Variants in RASGRP3 observed in about 807,000 individuals in gnomAD.
RASGRP3 encodes the protein ras guanyl-releasing protein 3.
RASGRP3 carries 54 observed loss-of-function variants against 82.7 expected under a neutral mutation model. That is an observed-to-expected ratio of 0.65 (90% confidence interval 0.52 to 0.82). The LOEUF (loss-of-function observed/expected upper bound fraction) is 0.82, where lower values mean the gene tolerates loss of function less well. RASGRP3 is among the 40% of genes least tolerant of loss of function. The pLI is 0.00. For missense variants in RASGRP3, 861 were observed against 828.9 expected (o/e 1.04, Z -0.48); for synonymous variants, 309 against 300.5 (o/e 1.03, Z -0.29).
At chr2:33,506,526 C>G (rs927047143) in intron 1 of RASGRP3, among the ~76,000 whole-genome samples, 1 of 152,208 alleles carries the variant, frequency 6.6e-6, no homozygotes, top group African/African-American at 2.4e-5. Context: ...TTGCGACCAA[C>G]AAATGGTATT....
intron 1 of RASGRP3, among the ~76,000 whole-genome samples, chr2:33,485,933 A>G (rs1668331921): frequency 6.6e-6 from 1 of 152,210 alleles, no homozygotes; most frequent in Admixed American, 6.5e-5. Context: ...TTGGAACACC[A>G]TCTCACATCT....
At chr2:33,510,227 G>C (rs1670802401) in intron 1 of RASGRP3, among the ~76,000 whole-genome samples, 1 of 152,244 alleles carries the variant, frequency 6.6e-6, no homozygotes, top group South Asian at 2.1e-4. Context: ...TCTTGGAATA[G>C]AGACAATGTG....
At chr2:33,523,833 C>CAAA in intron 7 of RASGRP3, 46 bp from the exon 8 acceptor site, 1 of 1,488,828 alleles carries the variant, frequency 6.7e-7, no homozygotes, top group Non-Finnish European at 9.1e-7. Flanking sequence ...TTTGATTTTA[C>CAAA]AAAGGCTCTA....
rs1048669550 is a variant in RASGRP3, at chr2:33,436,587, C to T, written c.-389C>T. 4.6e-5 allele frequency: 7 copies of T among 152,134 alleles called. No homozygotes were observed. The South Asian group carries it at 8.3e-4, about 18-fold the overall frequency. 9.4% of individuals were successfully genotyped at this position (152,134 alleles called of 1,614,324 possible). Reference sequence around the variant, plus strand: ...AGGGATCAACATTATTGCAGTTCTGCAAAGGTAAGTGTCATTTAAAAATCT... The same window carrying T: ...AGGGATCAACATTATTGCAGTTCTGTAAAGGTAAGTGTCATTTAAAAATCT... On this transcript the variant is annotated 5_prime_UTR_variant, in exon 1 of 19. Transcript: ENST00000402538.
At chr2:33,468,879 G>A (rs2150911697) in intron 2 of RASGRP3, among the ~76,000 whole-genome samples, 1 of 152,238 alleles carries the variant, frequency 6.6e-6, no homozygotes, top group South Asian at 2.1e-4. Flanking sequence ...TCTAGAACAG[G>A]AACTGCTGAG....
chr2:33,555,028 A>C (rs1195532258), intron 14 of RASGRP3: 9 of 152,550 alleles, frequency 5.9e-5, no homozygotes, highest in Admixed American at 5.9e-4. Flanking sequence ...TGGAGAATGA[A>C]GACATGAATA....
intron 16 of RASGRP3, 136 bp from the exon 17 acceptor site, chr2:33,558,536 T>G: frequency 9.0e-7 from 1 of 1,116,486 alleles, no homozygotes. Context: ...GTAACTTGCC[T>G]GCGGCTAATT....
intron 13 of RASGRP3, among the ~76,000 whole-genome samples, chr2:33,545,700 A>G (rs1364930421): frequency 6.6e-6 from 1 of 152,246 alleles, no homozygotes; most frequent in East Asian, 1.9e-4. Flanking sequence ...CATGTGGACA[A>G]TAAGCATATG....
At chr2:33,541,895 T>G (rs555658671) in intron 12 of RASGRP3, among the ~76,000 whole-genome samples, 7 of 147,410 alleles carry the variant, frequency 4.7e-5, no homozygotes, top group Non-Finnish European at 1.1e-4. Context: ...TGAAAAATAT[T>G]TTCATCTATT....
chr2:33,467,983 T>C (rs1327223064), intron 2 of RASGRP3, among the ~76,000 whole-genome samples: 1 of 12,372 alleles, frequency 8.1e-5, no homozygotes, highest in Non-Finnish European at 1.6e-4. Context: ...TGAGGCTTTT[T>C]CTTTCTTTCT....
chr2:33,462,498 C>G (rs1417093995), intron 2 of RASGRP3, among the ~76,000 whole-genome samples: 1 of 151,912 alleles, frequency 6.6e-6, no homozygotes, highest in Non-Finnish European at 1.5e-5. Context: ...CTGCCTCAGC[C>G]TCCCAAGTAG....
At chr2:33,493,578 T>G (rs1010761668) in intron 1 of RASGRP3, among the ~76,000 whole-genome samples, 2 of 147,426 alleles carry the variant, frequency 1.4e-5, no homozygotes, top group African/African-American at 5.1e-5. Context: ...ACCAATGGTT[T>G]GTGCCAAGAC....
At chr2:33,438,187 T>A (rs1056585838) in intron 1 of RASGRP3, among the ~76,000 whole-genome samples, 1 of 152,254 alleles carries the variant, frequency 6.6e-6, no homozygotes, top group Non-Finnish European at 1.5e-5. Context: ...ATGAGTTAGA[T>A]GTATTATTTC....
chr2:33,528,058 G>A (rs796371033), intron 10 of RASGRP3, among the ~76,000 whole-genome samples: 6 of 152,194 alleles, frequency 3.9e-5, no homozygotes, highest in African/African-American at 1.2e-4. Flanking sequence ...CCATCCATGT[G>A]GCAAGTTCAA....
chr2:33,489,082 C>T (rs956165938), intron 1 of RASGRP3, among the ~76,000 whole-genome samples: 1 of 152,090 alleles, frequency 6.6e-6, no homozygotes, highest in Non-Finnish European at 1.5e-5. Flanking sequence ...GTAGTCTCTA[C>T]TGGGAGTGGC....
chr2:33,449,082 C>T (rs184509080), intron 2 of RASGRP3, among the ~76,000 whole-genome samples: 1 of 152,160 alleles, frequency 6.6e-6, no homozygotes, highest in African/African-American at 2.4e-5. Context: ...TGATTACTCT[C>T]TGTTTGGGGC....
In RASGRP3 at chr2:33,527,290, G is replaced by A. The variant is rs1672671058; in HGVS notation, c.961G>A (p.Glu321Lys). 6.2e-7 allele frequency: 1 copy of A among 1,610,416 alleles called. No individual in the cohort carries two copies. Among genetic ancestry groups the A allele is most frequent in the Non-Finnish European group, 8.5e-7 (1 of 1,179,614 alleles). ...AVHVIFPDWT[E>K]ENKVNIVKMH... ...CCATGTCATTTTCCCAGACTGGACA[G>A]AGGAGAACAAAGTGAACATTGTGAA... Residue 321 changes from glutamate to lysine, a missense_variant, in exon 10 of 18, where the codon GAG (glutamate) becomes AAG (lysine). Glu to Lys is a moderately conservative substitution (Grantham distance 56). Transcript: ENST00000403687.
intron 2 of RASGRP3, among the ~76,000 whole-genome samples, chr2:33,465,674 C>T (rs929544014): frequency 2.0e-5 from 3 of 152,130 alleles, no homozygotes; most frequent in African/African-American, 4.8e-5. Context: ...GTAGTTGAAC[C>T]AGCCTTAAAT....
intron 12 of RASGRP3, among the ~76,000 whole-genome samples, chr2:33,542,018 G>A (rs1674324750): frequency 6.8e-6 from 1 of 146,734 alleles, no homozygotes; most frequent in Non-Finnish European, 1.5e-5. Flanking sequence ...GCAGGAGGAT[G>A]GAGTTTGATT....
Sources: allele counts gnomAD v4.1 joint callset (sites outside exome capture counted in the v4.1 genomes callset), GRCh38; gene constraint gnomAD v4.1.1; transcripts MANE v1.5; gene names NCBI Gene and HGNC (gene_info 2026-07-23, HGNC 2026-07-21).